The following ADAMTSL1 variants were observed in gnomAD, a reference collection of about 807,000 sequenced individuals.
ADAMTSL1 encodes ADAMTS-like protein 1.
Under a neutral mutation model 201.8 loss-of-function variants are expected in ADAMTSL1, and 126 were observed. The ratio of observed to expected loss-of-function variants is 0.62; its 90% CI spans 0.54 to 0.72. The LOEUF is 0.72. Among genes scored for constraint, ADAMTSL1 ranks in the 30% least tolerant of loss-of-function variants. The pLI, the probability that ADAMTSL1 is intolerant of heterozygous loss-of-function variation, is 0.00. For missense variants in ADAMTSL1, 2,679 were observed against 2,277.8 expected, an observed-to-expected ratio of 1.18 and a Z score of -3.59; for synonymous variants, 1,121 against 903.4, an observed-to-expected ratio of 1.24 and a Z score of -4.32.
chr9:17,991,491 GCCACAGATAT>G (rs1221027269), intron 1 of ADAMTSL1, among the ~76,000 whole-genome samples: 4 of 152,082 alleles, frequency 2.6e-5, no homozygotes, highest in African/African-American at 9.7e-5. Flanking sequence ...AGATCCCAGC[GCCACAGATAT>G]TCACCTTTGC....
At chr9:17,959,381 C>G (rs1817632385) in intron 1 of ADAMTSL1, among the ~76,000 whole-genome samples, 1 of 152,154 alleles carries the variant, frequency 6.6e-6, no homozygotes, top group East Asian at 1.9e-4. Flanking sequence ...ACCCTCCTTC[C>G]TCTACCCACA....
chr9:18,070,119 G>A (rs1289627314), intron 1 of ADAMTSL1, among the ~76,000 whole-genome samples: 1 of 152,208 alleles, frequency 6.6e-6, no homozygotes, highest in Non-Finnish European at 1.5e-5. Flanking sequence ...GTGAGTAAGT[G>A]TGGACTGAAA....
At chr9:18,842,759 T>C (rs1359891864) in intron 23 of ADAMTSL1, among the ~76,000 whole-genome samples, 3 of 152,230 alleles carry the variant, frequency 2.0e-5, no homozygotes, top group Non-Finnish European at 4.4e-5. Flanking sequence ...TTAGCTCTTC[T>C]TGTTGAATTG....
intron 2 of ADAMTSL1, among the ~76,000 whole-genome samples, chr9:18,309,980 A>G (rs1834057038): frequency 1.3e-5 from 2 of 152,158 alleles, no homozygotes; most frequent in South Asian, 4.2e-4. Flanking sequence ...TACCGGTACC[A>G]AAACAGATGT....
At chr9:18,487,181 A>C (rs1305426368) in intron 1 of ADAMTSL1, among the ~76,000 whole-genome samples, 1 of 152,260 alleles carries the variant, frequency 6.6e-6, no homozygotes, top group Non-Finnish European at 1.5e-5. Flanking sequence ...AAGTTATACT[A>C]AAGTGAGTTA....
intron 2 of ADAMTSL1, among the ~76,000 whole-genome samples, chr9:18,409,817 A>G (rs781628595): frequency 6.4e-4 from 96 of 150,200 alleles, no homozygotes; most frequent in Non-Finnish European, 1.3e-3. Context: ...TTTTATATAT[A>G]TAATGAAAAT....
chr9:18,069,172 G>A (rs1367721868), intron 1 of ADAMTSL1, among the ~76,000 whole-genome samples: 1 of 152,096 alleles, frequency 6.6e-6, no homozygotes, highest in Admixed American at 6.5e-5. Flanking sequence ...TGCTTTAAGT[G>A]TAACATACAC....
intron 2 of ADAMTSL1, among the ~76,000 whole-genome samples, chr9:18,230,036 A>C (rs192814843): frequency 5.6e-4 from 86 of 152,248 alleles, no homozygotes; most frequent in African/African-American, 2.0e-3. Flanking sequence ...CAGGTACTTT[A>C]TTCCCAGACA....
intron 2 of ADAMTSL1, among the ~76,000 whole-genome samples, chr9:18,527,320 T>C (rs771924389): frequency 5.9e-5 from 9 of 152,156 alleles, no homozygotes; most frequent in Non-Finnish European, 1.2e-4. Context: ...AGTGCAATTG[T>C]CCTTAAAAAC....
chr9:18,622,643 T>A (rs193039295), intron 5 of ADAMTSL1: 2 of 556,996 alleles, frequency 3.6e-6, no homozygotes, highest in Admixed American at 6.6e-5. Flanking sequence ...AAACATGAGC[T>A]TTGCTGTCCA....
chr9:18,771,969 T>TAA (rs989099115), intron 17 of ADAMTSL1, among the ~76,000 whole-genome samples: 6 of 152,172 alleles, frequency 3.9e-5, no homozygotes, highest in Non-Finnish European at 8.8e-5. Context: ...AACTTGGCAG[T>TAA]AAAACTGCTT....
At position 18,719,552 on chromosome 9, in the gene ADAMTSL1, C is replaced by T. The variant is rs139647396; in HGVS notation, c.1877-1984C>T. Among the ~76,000 whole-genome samples, 235 of 152,202 alleles carry T rather than the reference C, an allele frequency of 1.5e-3. 1 individual carries two copies. Among genetic ancestry groups the T allele is most frequent in the African/African-American group, 3.2e-3 (131 of 41,532 alleles). ...GCTAATTTTGTACTTTTAGTGGAGACGGGATTTCACCATTTTGGCCAGGCT... is the reference window on the plus strand; with the variant it reads ...GCTAATTTTGTACTTTTAGTGGAGATGGGATTTCACCATTTTGGCCAGGCT... On this transcript the variant is annotated intron_variant, in intron 14 of 28. Coordinates refer to ENST00000380548, the MANE Select transcript of ADAMTSL1 (RefSeq NM_001040272.6).
chr9:18,821,674 T>G (rs901467109), intron 21 of ADAMTSL1, among the ~76,000 whole-genome samples: 1 of 152,150 alleles, frequency 6.6e-6, no homozygotes, highest in Non-Finnish European at 1.5e-5. Context: ...TTTTTTAGAA[T>G]AATTGACAAG....
intron 1 of ADAMTSL1, among the ~76,000 whole-genome samples, chr9:18,111,075 T>C (rs1464089583): frequency 6.6e-6 from 1 of 152,138 alleles, no homozygotes; most frequent in East Asian, 1.9e-4. Context: ...AGTGTAGAAA[T>C]GTGTTTCCTT....
chr9:18,910,254 A>C lies in ADAMTSL1; in HGVS notation c.*1706A>C, dbSNP rs377483232. 22 of 152,344 alleles carry C rather than the reference A, an allele frequency of 1.4e-4. No individual in the cohort carries two copies. The highest frequency in any genetic ancestry group is 7.8e-4 in the Admixed American group (12 of 15,306). The allele number at this position is 152,344 out of a possible 1,614,324, so 9.4% of individuals were successfully genotyped here. A position where few individuals can be genotyped will look rare whatever the true frequency, so the allele number is the denominator to read the frequency against. The stretch of plus-strand genomic sequence containing the variant: ...CTCTAAGAAATCATGTTACTAAAAA[A>C]TCAGTGTAAAGTCTGTTTAAAATAA... On this transcript the variant is annotated 3_prime_UTR_variant, in exon 29 of 29. Transcript: ENST00000380548.
At chr9:18,412,513 A>C (rs555961083) in intron 2 of ADAMTSL1, among the ~76,000 whole-genome samples, 1 of 152,318 alleles carries the variant, frequency 6.6e-6, no homozygotes, top group South Asian at 2.1e-4. Flanking sequence ...TTTTAGATTC[A>C]CACAGGAAAG....
rs993907618 is a variant in ADAMTSL1, at chr9:18,150,031, C to G, written c.88-13831C>G. Among the ~76,000 whole-genome samples, 99 of 151,972 alleles carry G rather than the reference C, an allele frequency of 6.5e-4. 1 individual carries two copies. The highest frequency in any genetic ancestry group is 2.1e-4 in the Non-Finnish European group (14 of 67,972). On this transcript the variant is annotated intron_variant, in intron 1 of 29. Coordinates refer to the ADAMTSL1 transcript ENST00000680146. ...GGAAAGGCTGGACAAGAAATAAATT[C>G]AATTTGAATTATTCAGTTAGAGGTT...
At chr9:18,840,075 A>G (rs1404057777) in intron 23 of ADAMTSL1, among the ~76,000 whole-genome samples, 5 of 146,758 alleles carry the variant, frequency 3.4e-5, no homozygotes, top group Non-Finnish European at 7.5e-5. Flanking sequence ...TTTTGTTGCC[A>G]TTGCTTTTGG....
chr9:18,689,238 G>T (rs1279977908), intron 13 of ADAMTSL1, among the ~76,000 whole-genome samples: 1 of 152,220 alleles, frequency 6.6e-6, no homozygotes, highest in East Asian at 1.9e-4. Context: ...AGTCTTGGTT[G>T]AGATGTATGC....
Sources: gnomAD v4.1 joint callset for allele counts (sites outside exome capture counted in the v4.1 genomes callset) on GRCh38, gnomAD v4.1.1 for gene constraint, MANE v1.5 for transcripts, NCBI Gene and HGNC (gene_info 2026-07-23, HGNC 2026-07-21) for gene names.